Variants in ARHGEF28 observed in about 807,000 individuals in gnomAD.
ARHGEF28 encodes Rho guanine nucleotide exchange factor 28, also known as 190 kDa guanine nucleotide exchange factor.
A neutral mutation model predicts 206.6 loss-of-function variants in ARHGEF28; 152 were observed. The observed-to-expected ratio is 0.74, with a 90% CI of 0.64 to 0.84. The LOEUF (loss-of-function observed/expected upper bound fraction) is 0.84, where lower values mean the gene tolerates loss of function less well. ARHGEF28 is among the 40% of genes least tolerant of loss of function. The probability of loss-of-function intolerance (pLI) is 0.00; values close to 1 mark genes in which losing one functional copy is unlikely to be tolerated. For missense variants in ARHGEF28, 2,028 were observed against 2,073.2 expected (o/e 0.98, Z 0.42); for synonymous variants, 763 against 776.4 (o/e 0.98, Z 0.29).
chr5:73,892,070 AT>A lies in ARHGEF28; in HGVS notation c.3409del (p.Ser1137ProfsTer19). On this transcript the variant is annotated frameshift_variant, in exon 27 of 36. Transcript: ENST00000513042. LOFTEE classifies it high-confidence loss of function. The stretch of plus-strand genomic sequence containing the variant: ...TATGTAGGATCAGAAGCCATCAGTT[AT>A]TTCCCTTCAAAAGCTTATTGCTAGA... Reference protein sequence around the residue: ...FAAVDQKPSVISLQKLIAREV... With the variant: ...FAAVDQKPSVXSLQKLIAREV... 1 of 1,602,054 alleles carries A rather than the reference AT, an allele frequency of 6.2e-7. No homozygotes were observed. Among genetic ancestry groups the A allele is most frequent in the South Asian group, 1.1e-5 (1 of 88,306 alleles).
At chr5:73,757,625 G>A (rs899387643) in intron 4 of ARHGEF28, among the ~76,000 whole-genome samples, 1 of 152,140 alleles carries the variant, frequency 6.6e-6, no homozygotes, top group Non-Finnish European at 1.5e-5. Flanking sequence ...CCTTCTTTCA[G>A]CCCTGTATCT....
At chr5:73,728,541 T>C (rs1472579175) in intron 2 of ARHGEF28, among the ~76,000 whole-genome samples, 1 of 152,238 alleles carries the variant, frequency 6.6e-6, no homozygotes, top group Non-Finnish European at 1.5e-5. Flanking sequence ...TTTTAACTTA[T>C]CACCTATAGT....
At chr5:73,674,656 C>T (rs977813041) in intron 1 of ARHGEF28, among the ~76,000 whole-genome samples, 4 of 152,214 alleles carry the variant, frequency 2.6e-5, no homozygotes, top group African/African-American at 7.2e-5. Flanking sequence ...AGGATAGGCA[C>T]TGGTCACAGG....
chr5:73,858,554 CT>C (rs1300165715), intron 16 of ARHGEF28, among the ~76,000 whole-genome samples: 2 of 152,198 alleles, frequency 1.3e-5, no homozygotes, highest in African/African-American at 2.4e-5. Context: ...CATGCCAAAA[CT>C]TTTGGAGTAC....
chr5:73,868,071 C>T, intron 19 of ARHGEF28, 29 bp from the exon 20 acceptor site: 1 of 1,612,918 alleles, frequency 6.2e-7, no homozygotes. Context: ...GCTTCTGGGG[C>T]TAACTTTGCT....
At chr5:73,820,147 A>G (rs1756477956) in intron 9 of ARHGEF28, among the ~76,000 whole-genome samples, 1 of 152,150 alleles carries the variant, frequency 6.6e-6, no homozygotes, top group Non-Finnish European at 1.5e-5. Context: ...CTTTATCTAC[A>G]ATTGATCTGA....
At chr5:73,651,145 C>T (rs1744802053) in intron 1 of ARHGEF28, among the ~76,000 whole-genome samples, 1 of 152,138 alleles carries the variant, frequency 6.6e-6, no homozygotes, top group East Asian at 1.9e-4. Flanking sequence ...TTAACAGTCA[C>T]TGGGTTTGGT....
intron 2 of ARHGEF28, among the ~76,000 whole-genome samples, chr5:73,737,252 TG>T (rs1311221178): frequency 5.9e-5 from 9 of 152,112 alleles, no homozygotes; most frequent in Non-Finnish European, 1.3e-4. Flanking sequence ...CCATTCCTGG[TG>T]GGGTGAATCT....
intron 16 of ARHGEF28, among the ~76,000 whole-genome samples, chr5:73,861,709 G>T (rs1248169052): frequency 6.6e-6 from 1 of 152,160 alleles, no homozygotes; most frequent in Non-Finnish European, 1.5e-5. Context: ...ATTTGGCAAT[G>T]AGCATTCCTT....
intron 4 of ARHGEF28, among the ~76,000 whole-genome samples, chr5:73,758,457 A>G (rs1752426857): frequency 1.3e-5 from 2 of 152,264 alleles, no homozygotes; most frequent in South Asian, 2.1e-4. Flanking sequence ...TCATGTGATC[A>G]AAGGTCTCCT....
intron 1 of ARHGEF28, among the ~76,000 whole-genome samples, chr5:73,658,957 G>A (rs1050007375): frequency 6.1e-5 from 7 of 115,614 alleles, no homozygotes; most frequent in African/African-American, 2.3e-4. Context: ...TGTGATGCAT[G>A]CAGGTACACA....
intron 1 of ARHGEF28, among the ~76,000 whole-genome samples, chr5:73,672,143 G>A (rs1405629982): frequency 6.6e-6 from 1 of 152,076 alleles, no homozygotes; most frequent in African/African-American, 2.4e-5. Context: ...TGTTATTGCT[G>A]GGTCTCTGGC....
Position 73,675,303 on chromosome 5 carries a change from T to C in ARHGEF28, c.-11-9538T>C, listed in dbSNP as rs139415811. ...TGTGAGATTATAGTAGAAGAAACTG[T>C]TTTTTTTCTACTGAGTGGGTCACAG... is the stretch of plus-strand genomic sequence containing the variant. On this transcript the variant is annotated intron_variant, in intron 1 of 35. Transcript: ENST00000513042. Among the ~76,000 whole-genome samples, 207 of 152,076 alleles carry C rather than the reference T, an allele frequency of 1.4e-3. 2 individuals carry two copies. The East Asian group carries it at 0.035, about 25-fold the overall frequency.
At chr5:73,676,681 A>G (rs980610293) in intron 1 of ARHGEF28, among the ~76,000 whole-genome samples, 5 of 152,138 alleles carry the variant, frequency 3.3e-5, no homozygotes, top group Non-Finnish European at 7.4e-5. Context: ...TTGTCTTATC[A>G]TGATTTTCTT....
Position 73,769,741 on chromosome 5 carries a change from G to T in ARHGEF28, c.476-4114G>T, listed in dbSNP as rs1430378992. Among the ~76,000 whole-genome samples the T allele has an allele frequency of 2.0e-5, 3 of 152,164 alleles. No homozygotes were observed. The East Asian group carries it at 5.8e-4, about 29-fold the overall frequency. ...TAATGTTGCTGTGTTTTCCAAAGGG[G>T]TTGTAACAGTTTACATTTCCTCTAG... is the stretch of plus-strand genomic sequence containing the variant. On this transcript the variant is annotated intron_variant, in intron 4 of 35. Coordinates refer to ENST00000513042, the MANE Select transcript of ARHGEF28 (RefSeq NM_001177693.2).
chr5:73,778,731 ATAT>A (rs1753670930), intron 6 of ARHGEF28, among the ~76,000 whole-genome samples: 1 of 152,192 alleles, frequency 6.6e-6, no homozygotes, highest in Admixed American at 6.5e-5. Context: ...ACTTGGTTAG[ATAT>A]TATTTTAAAT....
chr5:73,697,935 A>C (rs1748325941), intron 2 of ARHGEF28, among the ~76,000 whole-genome samples: 1 of 152,208 alleles, frequency 6.6e-6, no homozygotes, highest in Non-Finnish European at 1.5e-5. Flanking sequence ...CACATGACAG[A>C]TTTTAAGTTT....
rs1759995461 is a variant in ARHGEF28 at position 73,870,070 on chromosome 5, T to C, written c.2427T>C (p.Asp809=). Residue 809 remains aspartate, a splice_region_variant and synonymous_variant, in exon 21 of 36, where the codon GAT becomes GAC. Transcript: ENST00000513042. Reference sequence around the variant, plus strand: ...TTTTCTTTTCTAAACACACATTAGATGTTGTGGATTCTTCTCTGTGGAGTG... The same window carrying C: ...TTTTCTTTTCTAAACACACATTAGACGTTGTGGATTCTTCTCTGTGGAGTG... ...SPSTESFIME[D]VVDSSLWSDL... The C allele has an allele frequency of 6.2e-7, 1 of 1,611,624 alleles. No homozygotes were observed. The highest frequency in any genetic ancestry group is 2.2e-5 in the East Asian group (1 of 44,860).
intron 35 of ARHGEF28, chr5:73,923,152 T>C (rs1339872202): frequency 1.3e-6 from 2 of 1,535,798 alleles, no homozygotes; most frequent in Non-Finnish European, 1.7e-6. Flanking sequence ...TGGAACCACA[T>C]CTACTTTGAA....
Sources: allele counts gnomAD v4.1 joint callset (sites outside exome capture counted in the v4.1 genomes callset), GRCh38; gene constraint gnomAD v4.1.1; transcripts MANE v1.5; gene names NCBI Gene and HGNC (gene_info 2026-07-23, HGNC 2026-07-21).